Variants in LILRA2 observed in about 807,000 individuals in gnomAD.
LILRA2 encodes the protein leukocyte immunoglobulin like receptor A2.
Under a neutral mutation model 47.9 loss-of-function variants are expected in LILRA2, and 45 were observed. The observed-to-expected ratio is 0.94, with a 90% CI of 0.74 to 1.20. LILRA2 has a LOEUF of 1.20. Ranked by LOEUF, LILRA2 falls within the 50% of genes most tolerant of loss-of-function variation. LILRA2 has a pLI of 0.00. For synonymous variants in LILRA2, 279 were observed against 249.2 expected (o/e 1.12, Z -1.13); for missense variants, 651 against 598.2 (o/e 1.09, Z -0.92).
At chr19:54,573,352 C>T (rs1798138918), upstream of LILRA2, 4 of 691,852 alleles carry the variant, frequency 5.8e-6, no homozygotes, top group South Asian at 4.4e-5. Flanking sequence ...GTGTCAGGTG[C>T]GTCTCTGCTG....
In LILRA2 at chr19:54,587,196, T is replaced by C. The variant is rs912131910; in HGVS notation, c.1307-5T>C. On this transcript the variant is annotated splice_polypyrimidine_tract_variant and splice_region_variant and intron_variant, in intron 7 of 7. Transcript: ENST00000391738. ...TGCCCTGACCTCTGTGACCTCTTTG[T>C]CCAGCATCCCTAGGCCAACACCCCC... The C allele has an allele frequency of 2.5e-6, 4 of 1,614,030 alleles. No individual in the cohort carries two copies. Among genetic ancestry groups the C allele is most frequent in the Non-Finnish European group, 3.4e-6 (4 of 1,179,972 alleles).
In LILRA2 at chr19:54,590,063, A is replaced by G. The variant is rs1480491589; in HGVS notation, c.*2717A>G. The G allele has an allele frequency of 6.6e-6, 1 of 151,766 alleles. No homozygotes were observed. Among genetic ancestry groups the G allele is most frequent in the East Asian group, 1.9e-4 (1 of 5,172 alleles). The allele number at this position is 151,766 out of a possible 1,614,324, so 9.4% of individuals were successfully genotyped here. A position where few individuals can be genotyped will look rare whatever the true frequency, so the allele number is the denominator to read the frequency against. Reference sequence around the variant, plus strand: ...TTATTTATGAATTTGTGCACATTAAACTCATGATCTTTCATTTCTGTAAAA... The same window carrying G: ...TTATTTATGAATTTGTGCACATTAAGCTCATGATCTTTCATTTCTGTAAAA... On this transcript the variant is annotated 3_prime_UTR_variant, in exon 8 of 8. Transcript: ENST00000391738.
chr19:54,587,104 T>A, intron 7 of LILRA2, 44 bp downstream of exon 7: 1 of 1,611,384 alleles, frequency 6.2e-7, no homozygotes, highest in Non-Finnish European at 8.5e-7. Context: ...GCACAGAGGG[T>A]CAGGTCCTGT....
chr19:54,582,242 T>C (rs532001268), intron 6 of LILRA2, among the ~76,000 whole-genome samples: 1 of 152,168 alleles, frequency 6.6e-6, no homozygotes, highest in Non-Finnish European at 1.5e-5. Flanking sequence ...TTATCCTTTT[T>C]TGTTGTGTGT....
chr19:54,577,460 C>G, intron 6 of LILRA2: 2 of 1,277,154 alleles, frequency 1.6e-6, no homozygotes, highest in Non-Finnish European at 2.0e-6. Context: ...TTTCTCATTT[C>G]CAAGAGCCCC....
Position 54,578,666 on chromosome 19 carries a change from G to T in LILRA2, c.1255+2557G>T, listed in dbSNP as rs142229414. ...AATGGGATTGCTGGGTCAAATGGTA[G>T]TTCTAGTTGTAGATTCTTGAGGAAT... On this transcript the variant is annotated intron_variant, in intron 6 of 7. Transcript: ENST00000391738. Among the ~76,000 whole-genome samples, 955 of 152,254 alleles carry T rather than the reference G, an allele frequency of 6.3e-3. 9 individuals are homozygous for T. The highest frequency in any genetic ancestry group is 0.022 in the African/African-American group (908 of 41,544).
intron 6 of LILRA2, among the ~76,000 whole-genome samples, chr19:54,583,364 A>T (rs9789338): frequency 0.037 from 5,669 of 152,158 alleles, 414 homozygotes; most frequent in East Asian, 0.29. Flanking sequence ...TCTAATATTG[A>T]CAGAGGGGTG....
At chr19:54,585,672 G>T (rs11667913) in intron 6 of LILRA2, among the ~76,000 whole-genome samples, 2 of 152,162 alleles carry the variant, frequency 1.3e-5, no homozygotes, top group African/African-American at 4.8e-5. Context: ...GGTCAGGAGG[G>T]TACTGTTTCT....
intron 6 of LILRA2, among the ~76,000 whole-genome samples, chr19:54,586,624 C>T (rs923253815): frequency 4.6e-5 from 7 of 152,124 alleles, no homozygotes; most frequent in African/African-American, 1.4e-4. Context: ...CTCTGGGGAG[C>T]ATTGGCTTCT....
rs1260251290 is a variant in LILRA2, at chr19:54,574,478, C to A, written c.248C>A (p.Pro83His). 1 of 1,614,112 alleles carries A rather than the reference C, an allele frequency of 6.2e-7. No homozygotes were observed. Among genetic ancestry groups the A allele is most frequent in the African/African-American group, 1.3e-5 (1 of 75,006 alleles). ...IQEPGKNGQF[P>H]IPSITWEHAG... Reference sequence around the variant, plus strand: ...GAGCCTGGGAAGAATGGCCAGTTCCCCATCCCATCCATCACCTGGGAACAC... The same window carrying A: ...GAGCCTGGGAAGAATGGCCAGTTCCACATCCCATCCATCACCTGGGAACAC... The change falls in exon 3 of 8, where the codon CCC becomes CAC. Residue 83 changes from proline (P) to histidine (H), a missense_variant. Pro to His is a moderately conservative substitution (Grantham distance 77). Coordinates refer to ENST00000391738, the MANE Select transcript of LILRA2 (RefSeq NM_001130917.3).
chr19:54,574,422 C>T lies in LILRA2; in HGVS notation c.192C>T (p.Asn64=), dbSNP rs1446292134. 6.3e-7 allele frequency: 1 copy of T among 1,579,284 alleles called. No individual in the cohort carries two copies. The highest frequency in any genetic ancestry group is 1.4e-5 in the African/African-American group (1 of 73,460). The change falls in exon 3 of 8, where the codon AAC becomes AAT. Residue 64 remains asparagine, a synonymous_variant. Transcript: ENST00000391738. The part of the protein sequence containing the change: ...QAEEYHLYRE[N]KSASWVRRIQ... ...AGGAGTACCATCTATATAGGGAAAACAAATCAGCATCCTGGGTTAGACGGA... is the reference window on the plus strand; with the variant it reads ...AGGAGTACCATCTATATAGGGAAAATAAATCAGCATCCTGGGTTAGACGGA...
rs1213797784 is a variant in LILRA2 at position 54,587,216 on chromosome 19, A to G, written c.1322A>G (p.His441Arg). ...TDSTTTSLGQ[H>R]PQDYTVENLI... Reference sequence around the variant, plus strand: ...CTTTGTCCAGCATCCCTAGGCCAACACCCCCAGGATTACACAGTGGAGAAT... The same window carrying G: ...CTTTGTCCAGCATCCCTAGGCCAACGCCCCCAGGATTACACAGTGGAGAAT... The change falls in exon 8 of 8, where the codon CAC (histidine) becomes CGC (arginine). Residue 441 changes from histidine to arginine, a missense_variant. Physicochemically the swap from His to Arg is conservative, Grantham distance 29 (BLOSUM62 0). Coordinates refer to ENST00000391738, the MANE Select transcript of LILRA2 (RefSeq NM_001130917.3). 6.2e-7 allele frequency: 1 copy of G among 1,613,156 alleles called. No homozygotes were observed. Among genetic ancestry groups the G allele is most frequent in the Non-Finnish European group, 8.5e-7 (1 of 1,179,762 alleles).
At position 54,574,304 on chromosome 19, in the gene LILRA2, A is replaced by T. The variant is rs1834697; in HGVS notation, c.74A>T (p.His25Leu). 5,056 of 1,537,484 alleles carry T rather than the reference A, an allele frequency of 3.3e-3. 7 individuals are homozygous for T. The African/African-American group carries it at 0.059, about 18-fold the overall frequency. ...LGPRTHVQAG[H>L]LPKPTLWAEP... ...CCGACCTCTGATTTCCTTCCAGGGC[A>T]CCTCCCCAAGCCCACCCTCTGGGCT... Residue 25 changes from histidine (H) to leucine (L), a missense_variant, in exon 3 of 8, where the codon CAC becomes CTC. Physicochemically the swap from His to Leu is moderately conservative, Grantham distance 99. Coordinates refer to ENST00000391738, the MANE Select transcript of LILRA2 (RefSeq NM_001130917.3).
intron 6 of LILRA2, among the ~76,000 whole-genome samples, chr19:54,584,808 G>T (rs1172203071): frequency 6.6e-6 from 1 of 152,144 alleles, no homozygotes; most frequent in African/African-American, 2.4e-5. Context: ...ATCCAGTCTT[G>T]TTCTGTTGCC....
chr19:54,583,537 C>G (rs1002929733), intron 6 of LILRA2, among the ~76,000 whole-genome samples: 5 of 151,450 alleles, frequency 3.3e-5, no homozygotes, highest in African/African-American at 4.8e-5. Context: ...GTGGCCTTGT[C>G]TCTTTTGATC....
At chr19:54,576,861 C>T (rs943227092) in intron 6 of LILRA2, among the ~76,000 whole-genome samples, 1 of 152,276 alleles carries the variant, frequency 6.6e-6, no homozygotes, top group Non-Finnish European at 1.5e-5. Flanking sequence ...GGAGGTGGAA[C>T]TTCTGAAAGA....
intron 6 of LILRA2, among the ~76,000 whole-genome samples, chr19:54,581,702 G>C (rs559945077): frequency 0.034 from 5,157 of 151,110 alleles, 111 homozygotes; most frequent in South Asian, 0.053. Flanking sequence ...CATGCTCATG[G>C]GTAAGAAGAA....
Position 54,573,790 on chromosome 19 carries a change from CTCCGAGTG to C in LILRA2, c.-85_-78del. On this transcript the variant is annotated 5_prime_UTR_variant, in exon 1 of 8. Coordinates refer to ENST00000391738, the MANE Select transcript of LILRA2 (RefSeq NM_001130917.3). ...AACCCCATGACAAGAAGGATCCAGC[CTCCGAGTG>C]TCCACACCCTGTGCGTCTCTCTGTC... 3.7e-6 allele frequency: 6 copies of C among 1,607,492 alleles called. No individual in the cohort carries two copies. The highest frequency in any genetic ancestry group is 5.1e-6 in the Non-Finnish European group (6 of 1,177,472).
At chr19:54,584,471 C>T (rs1555781440) in intron 6 of LILRA2, among the ~76,000 whole-genome samples, 1 of 152,148 alleles carries the variant, frequency 6.6e-6, no homozygotes, top group African/African-American at 2.4e-5. Context: ...TTGTTCATTT[C>T]TTTTCATTCT....
Sources: gnomAD v4.1 joint callset for allele counts (sites outside exome capture counted in the v4.1 genomes callset) on GRCh38, gnomAD v4.1.1 for gene constraint, MANE v1.5 for transcripts, NCBI Gene and HGNC (gene_info 2026-07-23, HGNC 2026-07-21) for gene names.